Variants in CTTNBP2 observed in about 807,000 individuals in gnomAD.
CTTNBP2 encodes the protein cortactin-binding protein 2.
CTTNBP2 carries 108 observed loss-of-function variants against 156.9 expected under a neutral mutation model. The ratio of observed to expected loss-of-function variants is 0.69; its 90% CI spans 0.59 to 0.81. The LOEUF is 0.81. Among genes scored for constraint, CTTNBP2 ranks in the 30% least tolerant of loss-of-function variants. The pLI is 0.00. For synonymous variants in CTTNBP2, 767 were observed against 751.8 expected (o/e 1.02, Z -0.33); for missense variants, 1,924 against 2,035.4 (o/e 0.95, Z 1.05).
chr7:117,862,884 G>A (rs1803863760), intron 1 of CTTNBP2, among the ~76,000 whole-genome samples: 1 of 152,168 alleles, frequency 6.6e-6, no homozygotes, highest in South Asian at 2.1e-4. Context: ...CCAGTAAATG[G>A]TAAAATCAGG....
chr7:117,728,263 T>G lies in CTTNBP2; in HGVS notation c.3881A>C (p.Lys1294Thr). 1 of 1,611,348 alleles carries G rather than the reference T, an allele frequency of 6.2e-7. No individual in the cohort carries two copies. The highest frequency in any genetic ancestry group is 8.5e-7 in the Non-Finnish European group (1 of 1,178,604). ...ATCGCAGGGGGAGGGCGCCTGACCTTTGAACTAGAGAGACAGGGAGGTGGA... is the reference window on the plus strand; with the variant it reads ...ATCGCAGGGGGAGGGCGCCTGACCTGTGAACTAGAGAGACAGGGAGGTGGA... ...FLRRKVVNKFKGQAPSPCDPV... is the reference protein window; with the variant it reads ...FLRRKVVNKFTGQAPSPCDPV... Residue 1294 changes from lysine to threonine, a missense_variant, in exon 17 of 23, where the codon AAA (lysine) becomes ACA (threonine). Coordinates refer to ENST00000160373, the MANE Select transcript of CTTNBP2 (RefSeq NM_033427.3).
chr7:117,726,903 T>TGG (rs1337317965), intron 17 of CTTNBP2, among the ~76,000 whole-genome samples: 1 of 152,212 alleles, frequency 6.6e-6, no homozygotes, highest in East Asian at 1.9e-4. Flanking sequence ...TCCTGAACCA[T>TGG]GGCAGGCTAA....
intron 9 of CTTNBP2, among the ~76,000 whole-genome samples, chr7:117,763,828 C>T (rs1267971185): frequency 6.6e-6 from 1 of 152,070 alleles, no homozygotes; most frequent in Non-Finnish European, 1.5e-5. Context: ...GCCTCAGCCT[C>T]CTCAAATGCT....
intron 2 of CTTNBP2, among the ~76,000 whole-genome samples, chr7:117,859,546 T>C (rs929788160): frequency 6.6e-6 from 1 of 152,208 alleles, no homozygotes; most frequent in Non-Finnish European, 1.5e-5. Flanking sequence ...TTCACTTCTA[T>C]CTCACCACAA....
intron 16 of CTTNBP2, among the ~76,000 whole-genome samples, chr7:117,729,960 CA>C (rs1040961707): frequency 6.6e-6 from 1 of 152,000 alleles, no homozygotes; most frequent in Non-Finnish European, 1.5e-5. Context: ...GAGGAGCGGT[CA>C]AAATGGATGC....
intron 10 of CTTNBP2, 82 bp downstream of exon 10, chr7:117,760,353 A>T: frequency 7.3e-7 from 1 of 1,369,764 alleles, no homozygotes; most frequent in Non-Finnish European, 1.0e-6. Context: ...TTAATCAATG[A>T]ACTAAGAATC....
chr7:117,836,482 T>G (rs1801946649), intron 2 of CTTNBP2, among the ~76,000 whole-genome samples: 1 of 152,148 alleles, frequency 6.6e-6, no homozygotes, highest in South Asian at 2.1e-4. Context: ...GAGAATGGCA[T>G]GAACCCAGAG....
At chr7:117,822,273 T>C (rs1801011704) in intron 2 of CTTNBP2, among the ~76,000 whole-genome samples, 1 of 152,182 alleles carries the variant, frequency 6.6e-6, no homozygotes, top group African/African-American at 2.4e-5. Context: ...GCATTCTTTT[T>C]TTCTTGTTCA....
intron 11 of CTTNBP2, among the ~76,000 whole-genome samples, chr7:117,757,506 T>C (rs1796946841): frequency 7.0e-6 from 1 of 142,246 alleles, no homozygotes; most frequent in African/African-American, 2.6e-5. Context: ...GTGATCATCG[T>C]ATTAAGCATT....
rs537713994 is a variant in CTTNBP2 at position 117,737,121 on chromosome 7, C to T, written c.3536-1700G>A. Among the ~76,000 whole-genome samples the T allele has an allele frequency of 3.3e-5, 5 of 152,216 alleles. No individual in the cohort carries two copies. The East Asian group carries it at 9.6e-4, about 29-fold the overall frequency. On this transcript the variant is annotated intron_variant, in intron 14 of 22. Transcript: ENST00000160373. The stretch of plus-strand genomic sequence containing the variant: ...TCAATCTAGTTGTACTTGTGGAGGG[C>T]TGCTAACACTAGCATCTAGTGTGTG...
chr7:117,873,247 G>A, intron 1 of CTTNBP2, 88 bp downstream of exon 1: 1 of 1,029,332 alleles, frequency 9.7e-7, no homozygotes, highest in Non-Finnish European at 1.3e-6. Flanking sequence ...ACGCCCCGGG[G>A]GTGCGAAGTC....
chr7:117,857,065 T>C (rs1297383116), intron 2 of CTTNBP2, among the ~76,000 whole-genome samples: 2 of 152,210 alleles, frequency 1.3e-5, no homozygotes, highest in African/African-American at 2.4e-5. Flanking sequence ...GTTCAGAAAA[T>C]GCAGCTGCTT....
rs779865749 is a variant in CTTNBP2 at position 117,777,665 on chromosome 7, T to C, written c.2624A>G (p.Asn875Ser). ...HRIPAHGNSFNEEESESSVFD... is the reference protein window; with the variant it reads ...HRIPAHGNSFSEEESESSVFD... ...GACACTTGACTCGGACTCCTCCTCA[T>C]TGAAAGAATTTCCATGAGCTGGTAT... Residue 875 changes from asparagine to serine, a missense_variant, in exon 8 of 23, where the codon AAT becomes AGT. Asn to Ser is a conservative substitution (Grantham distance 46). Coordinates refer to ENST00000160373, the MANE Select transcript of CTTNBP2 (RefSeq NM_033427.3). 6.2e-7 allele frequency: 1 copy of C among 1,614,110 alleles called. No individual in the cohort carries two copies. The highest frequency in any genetic ancestry group is 1.1e-5 in the South Asian group (1 of 91,082).
chr7:117,756,792 G>A (rs893451233), intron 11 of CTTNBP2, among the ~76,000 whole-genome samples, 158 bp from the exon 12 acceptor site: 2 of 152,196 alleles, frequency 1.3e-5, no homozygotes, highest in Non-Finnish European at 2.9e-5. Flanking sequence ...TTTCTGTTGT[G>A]AAAATATCCT....
intron 4 of CTTNBP2, among the ~76,000 whole-genome samples, chr7:117,785,254 T>G (rs1798646568): frequency 6.6e-6 from 1 of 152,228 alleles, no homozygotes; most frequent in Non-Finnish European, 1.5e-5. Context: ...CATCAGTATT[T>G]AGCAGCTTTA....
At chr7:117,755,284 T>C (rs141538390) in intron 12 of CTTNBP2, 159 of 235,824 alleles carry the variant, frequency 6.7e-4, no homozygotes, top group Middle Eastern at 1.6e-3. Context: ...TGAGCCTGGC[T>C]AGATGATCAA....
intron 6 of CTTNBP2, among the ~76,000 whole-genome samples, chr7:117,781,427 T>C (rs1798427839): frequency 6.6e-6 from 1 of 152,226 alleles, no homozygotes; most frequent in South Asian, 2.1e-4. Context: ...TTGATATACA[T>C]GTGTATCAGA....
intron 3 of CTTNBP2, among the ~76,000 whole-genome samples, chr7:117,807,651 T>C (rs1439952753): frequency 1.3e-5 from 2 of 152,134 alleles, no homozygotes; most frequent in African/African-American, 2.4e-5. Flanking sequence ...AGGCTTCAAA[T>C]AGGTAATGAG....
At chr7:117,734,437 T>C (rs1055784320) in intron 16 of CTTNBP2, among the ~76,000 whole-genome samples, 8 of 152,250 alleles carry the variant, frequency 5.3e-5, no homozygotes, top group African/African-American at 1.9e-4. Flanking sequence ...TATAGAATAC[T>C]TATTTTGTTA....
Sources: gnomAD v4.1 joint callset for allele counts (sites outside exome capture counted in the v4.1 genomes callset) on GRCh38, gnomAD v4.1.1 for gene constraint, MANE v1.5 for transcripts, NCBI Gene and HGNC (gene_info 2026-07-23, HGNC 2026-07-21) for gene names.